The following DMD variants were observed in gnomAD, a reference collection of about 807,000 sequenced individuals.
DMD encodes mutant dystrophin.
DMD carries 63 observed loss-of-function variants against 330.1 expected under a neutral mutation model. The observed-to-expected ratio is 0.19, with a 90% confidence interval of 0.16 to 0.24. The LOEUF is 0.24. DMD is among the 10% of genes least tolerant of loss of function. The pLI is 1.00. For synonymous variants in DMD, 1,223 were observed against 959.8 expected, an observed-to-expected ratio of 1.27 and a Z score of -5.07; for missense variants, 3,344 against 2,684.1, an observed-to-expected ratio of 1.25 and a Z score of -5.43.
chrX:31,188,169 ATTCAC>A (rs1435525535), intron 67 of DMD, among the ~76,000 whole-genome samples: 1 of 111,828 alleles, frequency 8.9e-6, no homozygotes, highest in Non-Finnish European at 1.9e-5. Context: ...AGGTACGGGG[ATTCAC>A]GTTCTCATTC....
At chrX:31,569,652 A>ATATATACGTATATATACG (rs780047551) in intron 55 of DMD, among the ~76,000 whole-genome samples, 7,912 of 92,860 alleles carry the variant, frequency 0.085, 396 homozygotes, top group Middle Eastern at 0.15. Flanking sequence ...GTATATACGT[A>ATATATACGTATATATACG]TATATACGTA....
chrX:31,467,625 T>C (rs1056766553), intron 59 of DMD, among the ~76,000 whole-genome samples: 43 of 111,925 alleles, frequency 3.8e-4, no homozygotes, highest in African/African-American at 1.3e-3. Flanking sequence ...CCTGAAATTT[T>C]CTTTGTCTGT....
chrX:31,347,037 G>GAAA (rs1491435471), intron 61 of DMD, among the ~76,000 whole-genome samples: 1 of 23,362 alleles, frequency 4.3e-5, no homozygotes, highest in Non-Finnish European at 6.6e-5. Context: ...AAAAAAAAAA[G>GAAA]GAAGGATGCA....
At chrX:32,122,596 T>C (rs2096641382) in intron 44 of DMD, among the ~76,000 whole-genome samples, 1 of 111,396 alleles carries the variant, frequency 9.0e-6, no homozygotes, top group African/African-American at 3.3e-5. Context: ...AATACATCTC[T>C]CTGTGCCCCC....
At chrX:33,167,405 G>A (rs921843034) in intron 1 of DMD, among the ~76,000 whole-genome samples, 3 of 110,658 alleles carry the variant, frequency 2.7e-5, no homozygotes, top group Admixed American at 9.7e-5. Context: ...TCTTCAATTC[G>A]ACTAGTAATT....
intron 56 of DMD, among the ~76,000 whole-genome samples, chrX:31,504,865 T>C (rs1188804893): frequency 8.9e-6 from 1 of 112,143 alleles, no homozygotes; most frequent in Non-Finnish European, 1.9e-5. Context: ...GCCAAAACCA[T>C]TGATCTGAAT....
At chrX:32,621,565 C>A (rs1282523947) in intron 11 of DMD, among the ~76,000 whole-genome samples, 1 of 109,459 alleles carries the variant, frequency 9.1e-6, no homozygotes, top group Admixed American at 9.8e-5. Context: ...CTCAAGCAAT[C>A]CTCTCCCCTT....
chrX:32,195,648 T>G (rs1224034727), intron 44 of DMD, among the ~76,000 whole-genome samples: 1 of 112,845 alleles, frequency 8.9e-6, no homozygotes, highest in Non-Finnish European at 1.9e-5. Flanking sequence ...TTATAAGTTT[T>G]GTTTCAATTA....
At chrX:32,335,832 T>C (rs184649701) in intron 41 of DMD, among the ~76,000 whole-genome samples, 112 of 105,398 alleles carry the variant, frequency 1.1e-3, no homozygotes, top group African/African-American at 3.6e-3. Flanking sequence ...ATGTTATATA[T>C]AACGTGCATA....
chrX:31,231,343 G>A (rs1052779105), intron 63 of DMD, among the ~76,000 whole-genome samples: 2 of 110,635 alleles, frequency 1.8e-5, no homozygotes, highest in Admixed American at 9.6e-5. Flanking sequence ...TAACATATGT[G>A]TATTTAAATA....
At chrX:32,900,843 T>A (rs1488711659) in intron 2 of DMD, among the ~76,000 whole-genome samples, 1 of 112,035 alleles carries the variant, frequency 8.9e-6, no homozygotes, top group African/African-American at 3.2e-5. Context: ...AAAGTAAAGA[T>A]ATTTTGTTAA....
chrX:32,213,534 G>A (rs1252875604), intron 44 of DMD, among the ~76,000 whole-genome samples: 1 of 111,947 alleles, frequency 8.9e-6, no homozygotes, highest in African/African-American at 3.2e-5. Flanking sequence ...AAAATAACCA[G>A]GAAAGAAATA....
In DMD at chrX:31,729,904, G is replaced by C. The variant is rs5927823; in HGVS notation, c.7543-156C>G. 0.13 allele frequency among the ~76,000 whole-genome samples: 14,245 copies of C among 111,334 alleles called. 763 individuals carry two copies. Among genetic ancestry groups the C allele is most frequent in the Middle Eastern group, 0.22 (48 of 217 alleles). On this transcript the variant is annotated intron_variant, in intron 51 of 78. Coordinates refer to ENST00000357033, the MANE Select transcript of DMD (RefSeq NM_004006.3). ...AGGGTTTATAGAAAACAATTTAACA[G>C]GAAATATGTTTCATTCTTAGATATC...
intron 55 of DMD, among the ~76,000 whole-genome samples, chrX:31,538,511 A>T (rs2073580685): frequency 8.9e-6 from 1 of 112,284 alleles, no homozygotes; most frequent in Non-Finnish European, 1.9e-5. Flanking sequence ...AAAGAAATGG[A>T]TAAATAACTG....
chrX:32,575,524 G>A (rs149212409), intron 13 of DMD, among the ~76,000 whole-genome samples: 3,662 of 112,165 alleles, frequency 0.033, 136 homozygotes, highest in African/African-American at 0.11. Flanking sequence ...AAATGTGCGA[G>A]CTTAAATCAA....
intron 60 of DMD, among the ~76,000 whole-genome samples, chrX:31,408,675 AG>A (rs34703421): frequency 0.18 from 19,692 of 110,749 alleles, 1,314 homozygotes; most frequent in Middle Eastern, 0.24. Flanking sequence ...CTGGGATTAC[AG>A]GCGTGAGCCA....
At chrX:32,171,459 G>A (rs1340094181) in intron 44 of DMD, among the ~76,000 whole-genome samples, 1 of 111,395 alleles carries the variant, frequency 9.0e-6, no homozygotes, top group Non-Finnish European at 1.9e-5. Flanking sequence ...TTCTTTTAAT[G>A]CTTCTGTTGC....
intron 18 of DMD, among the ~76,000 whole-genome samples, chrX:32,503,850 C>T (rs1375718770): frequency 9.0e-6 from 1 of 111,634 alleles, no homozygotes; most frequent in Non-Finnish European, 1.9e-5. Flanking sequence ...AGCCACCGTG[C>T]CTGGCCTGAA....
chrX:33,184,395 C>T lies in DMD; in HGVS notation c.31+26887G>A, dbSNP rs186389328. Among the ~76,000 whole-genome samples the T allele has an allele frequency of 1.8e-3, 201 of 110,601 alleles. 2 individuals are homozygous for T. Among genetic ancestry groups the T allele is most frequent in the Admixed American group, 0.014 (147 of 10,355 alleles). ...GACATGAGCTTTCATATACGAAATC[C>T]GATTTTGAAATATAAGGCACATTTA... On this transcript the variant is annotated intron_variant, in intron 1 of 78. Transcript: ENST00000357033.
Sources: allele counts gnomAD v4.1 joint callset (sites outside exome capture counted in the v4.1 genomes callset), GRCh38; gene constraint gnomAD v4.1.1; transcripts MANE v1.5; gene names NCBI Gene and HGNC (gene_info 2026-07-23, HGNC 2026-07-21).